FAM107A: variants seen among roughly 807,000 people sequenced by gnomAD.
FAM107A encodes the protein actin-associated protein FAM107A.
FAM107A carries 19 observed loss-of-function variants against 13.7 expected under a neutral mutation model. That is an observed-to-expected ratio of 1.38 (90% CI 0.97 to 2.03). The LOEUF (loss-of-function observed/expected upper bound fraction) is 2.03, where lower values mean the gene tolerates loss of function less well. Among genes scored for constraint, FAM107A ranks in the 30% most tolerant of loss-of-function variants. The probability of loss-of-function intolerance (pLI) is 0.00; values close to 1 mark genes in which losing one functional copy is unlikely to be tolerated. For missense variants in FAM107A, 203 were observed against 184.4 expected, an observed-to-expected ratio of 1.10 and a Z score of -0.58; for synonymous variants, 82 against 74.5, an observed-to-expected ratio of 1.10 and a Z score of -0.52.
chr3:58,589,402 G>A, upstream of FAM107A: 1 of 620,362 alleles, frequency 1.6e-6, no homozygotes, highest in East Asian at 2.8e-5. Context: ...CCTCTCCAGA[G>A]AAAGAAATTA....
rs752817621 is a variant in FAM107A, at chr3:58,613,987, G to T, written c.-70+13429C>A. 7.2e-5 allele frequency among the ~76,000 whole-genome samples: 11 copies of T among 152,216 alleles called. No homozygotes were observed. Among genetic ancestry groups the T allele is most frequent in the Non-Finnish European group, 1.5e-4 (10 of 68,034 alleles). On this transcript the variant is annotated intron_variant, in intron 1 of 3. Coordinates refer to the FAM107A transcript ENST00000465970. This position sits in a 1 kb window ranked among gnomAD's most constrained non-coding sequence, Gnocchi z 4.6. ...ACCGGATCAGCATCAGTCACTAGGG[G>T]AAGTCAGTCTCTCTCTAGTATTCAC...
At chr3:58,614,448 C>G (rs922329093) in intron 1 of FAM107A, among the ~76,000 whole-genome samples, 2 of 152,034 alleles carry the variant, frequency 1.3e-5, no homozygotes, top group South Asian at 2.1e-4. Flanking sequence ...AAGAACTCAC[C>G]TATAAAACTG....
intron 1 of FAM107A, chr3:58,570,380 T>C (rs2063669414): frequency 1.0e-6 from 1 of 985,052 alleles, no homozygotes. Context: ...TTCATTTTCT[T>C]CACATCAAAG....
chr3:58,598,634 G>A (rs550018561), intron 1 of FAM107A, among the ~76,000 whole-genome samples: 18 of 152,244 alleles, frequency 1.2e-4, no homozygotes, highest in South Asian at 4.1e-4. Flanking sequence ...GTAAACATTC[G>A]GAACAACTCA....
At position 58,569,890 on chromosome 3, in the gene FAM107A, C is replaced by T. The variant is rs1378562387; in HGVS notation, c.-5-25G>A. 1.1e-5 allele frequency: 17 copies of T among 1,607,106 alleles called. No homozygotes were observed. Among genetic ancestry groups the T allele is most frequent in the Non-Finnish European group, 1.4e-5 (17 of 1,176,852 alleles). The stretch of plus-strand genomic sequence containing the variant: ...GCTGTAGAGATGGGCAGAGGAGTAG[C>T]TCAGAGCTGAGCCTATAATCTCACC... On this transcript the variant is annotated intron_variant, in intron 1 of 3. Transcript: ENST00000360997. This position sits in a 1 kb window ranked among gnomAD's most constrained non-coding sequence, Gnocchi z 5.7.
At chr3:58,573,714 G>A (rs1197169483) in intron 1 of FAM107A, 1 of 152,280 alleles carries the variant, frequency 6.6e-6, no homozygotes, top group East Asian at 1.9e-4. Context: ...AGTAGCATAG[G>A]GAGGCTGAAG....
intron 1 of FAM107A, among the ~76,000 whole-genome samples, chr3:58,611,179 A>G (rs1375601297): frequency 6.6e-6 from 1 of 152,188 alleles, no homozygotes; most frequent in African/African-American, 2.4e-5. Flanking sequence ...GAGTCAATTA[A>G]ACCTCTTTTC....
chr3:58,576,104 T>C (rs2063728539), intron 1 of FAM107A, among the ~76,000 whole-genome samples: 1 of 152,240 alleles, frequency 6.6e-6, no homozygotes, highest in South Asian at 2.1e-4. Flanking sequence ...AAAGTGCCTA[T>C]TTGTATTTCA....
chr3:58,626,963 G>T (rs1016400397), intron 1 of FAM107A: 1 of 1,535,930 alleles, frequency 6.5e-7, no homozygotes, highest in Admixed American at 2.0e-5. Flanking sequence ...ACACTTAGAG[G>T]TTCCTACCTT....
At chr3:58,610,049 C>G (rs1261669069) in intron 1 of FAM107A, among the ~76,000 whole-genome samples, 1 of 152,182 alleles carries the variant, frequency 6.6e-6, no homozygotes, top group South Asian at 2.1e-4. Context: ...AGGCCATTCC[C>G]TTCTGGAGAC....
upstream of FAM107A, among the ~76,000 whole-genome samples, chr3:58,591,909 G>A (rs775185106): frequency 6.6e-6 from 1 of 152,172 alleles, no homozygotes; most frequent in Non-Finnish European, 1.5e-5. This position sits in a 1 kb window ranked among gnomAD's most constrained non-coding sequence, Gnocchi z 4.3. Flanking sequence ...ATGAGGGAAT[G>A]CAGCCACATA....
At position 58,577,093 on chromosome 3, in the gene FAM107A, C is replaced by A. The variant is rs1050766707; in HGVS notation, c.-6+216G>T. ...CAGGGCTATGCCAGGGGGCTCGCTT[C>A]TTTGTCTCCTACCCTTTTCCGAAAC... is the stretch of plus-strand genomic sequence containing the variant. On this transcript the variant is annotated intron_variant, in intron 1 of 3. Transcript: ENST00000360997. The surrounding 1 kb of genome is among the most constrained non-coding windows in gnomAD (Gnocchi z 4.9). Among the ~76,000 whole-genome samples, 1 of 152,238 alleles carries A rather than the reference C, an allele frequency of 6.6e-6. No homozygotes were observed. The highest frequency in any genetic ancestry group is 1.5e-5 in the Non-Finnish European group (1 of 68,050).
Position 58,569,777 on chromosome 3 carries a change from GA to G in FAM107A, c.83del (p.Leu28ProfsTer8), listed in dbSNP as rs1559474396. 1 of 1,614,112 alleles carries G rather than the reference GA, an allele frequency of 6.2e-7. No individual in the cohort carries two copies. The highest frequency in any genetic ancestry group is 8.5e-7 in the Non-Finnish European group (1 of 1,179,994). On this transcript the variant is annotated frameshift_variant, in exon 2 of 4. Coordinates refer to ENST00000360997, the MANE Select transcript of FAM107A (RefSeq NM_001076778.3). LOFTEE classifies it high-confidence loss of function. This position sits in a 1 kb window ranked among gnomAD's most constrained non-coding sequence, Gnocchi z 5.7. ...GGTTCAGCAGCTTCTTGGGCTTGAT[GA>G]GCTCCGGATTCCACTCTCTGTATTC... ...RPEYREWNPE[L>X]IKPKKLLNPV...
At chr3:58,584,679 C>T (rs113115071) in intron 1 of FAM107A, among the ~76,000 whole-genome samples, 1 of 152,114 alleles carries the variant, frequency 6.6e-6, no homozygotes, top group Non-Finnish European at 1.5e-5. Flanking sequence ...CAGAACAGAA[C>T]GAAATCAAAT....
intron 1 of FAM107A, among the ~76,000 whole-genome samples, chr3:58,598,505 C>G (rs1017237042): frequency 2.6e-5 from 4 of 152,214 alleles, no homozygotes; most frequent in South Asian, 2.1e-4. Context: ...CACCCACCCC[C>G]CAGCAGGCAG....
upstream of FAM107A, among the ~76,000 whole-genome samples, chr3:58,588,326 C>T (rs2065627304): frequency 6.6e-6 from 1 of 152,246 alleles, no homozygotes; most frequent in African/African-American, 2.4e-5. Flanking sequence ...GGCCTGTTAC[C>T]AGCCTTGGTA....
At chr3:58,589,233 T>C, upstream of FAM107A, 1 of 1,535,478 alleles carries the variant, frequency 6.5e-7, no homozygotes, top group Non-Finnish European at 8.7e-7. Context: ...TGCTTCTCAT[T>C]TTCACTATGA....
intron 1 of FAM107A, among the ~76,000 whole-genome samples, chr3:58,603,795 T>C (rs1375301537): frequency 6.6e-6 from 1 of 152,076 alleles, no homozygotes; most frequent in Non-Finnish European, 1.5e-5. Context: ...GCACTCACAG[T>C]AACAGGCATG....
At chr3:58,608,662 C>G (rs1411470443) in intron 1 of FAM107A, among the ~76,000 whole-genome samples, 2 of 152,180 alleles carry the variant, frequency 1.3e-5, no homozygotes, top group Non-Finnish European at 2.9e-5. Context: ...AACATCCAAA[C>G]TTGGCCTGGA....
Sources: gnomAD v4.1 joint callset for allele counts (sites outside exome capture counted in the v4.1 genomes callset) on GRCh38, gnomAD v4.1.1 for gene constraint, Gnocchi (gnomAD v3.1) non-coding constraint, MANE v1.5 for transcripts, NCBI Gene and HGNC (gene_info 2026-07-23, HGNC 2026-07-21) for gene names.